RAB18: variants seen among roughly 807,000 people sequenced by gnomAD.
RAB18 encodes the protein ras-related protein Rab-18.
A neutral mutation model predicts 28.5 loss-of-function variants in RAB18; 10 were observed. The observed-to-expected ratio is 0.35, with a 90% CI of 0.22 to 0.60. The LOEUF (loss-of-function observed/expected upper bound fraction) is 0.60. RAB18 is among the 20% of genes least tolerant of loss of function. RAB18 has a pLI of 0.78. For missense variants in RAB18, 188 were observed against 244.2 expected, an observed-to-expected ratio of 0.77 and a Z score of 1.53; for synonymous variants, 93 against 86.9, an observed-to-expected ratio of 1.07 and a Z score of -0.39.
chr10:27,530,698 A>G lies in RAB18; in HGVS notation c.187-1809A>G, dbSNP rs190145054. Among the ~76,000 whole-genome samples, 38 of 152,036 alleles carry G rather than the reference A, an allele frequency of 2.5e-4. No individual in the cohort carries two copies. The East Asian group carries it at 7.1e-3, about 29-fold the overall frequency. On this transcript the variant is annotated intron_variant, in intron 3 of 6. Coordinates refer to ENST00000356940, the MANE Select transcript of RAB18 (RefSeq NM_021252.5). ...GCATTTCTAGTTTCTTATTATATAT[A>G]TTACCAATTGCTTCCTAAAAGTGGT...
At position 27,541,141 on chromosome 10, in the gene RAB18, T is replaced by C; in HGVS notation, c.*3090T>C. 4.4e-6 allele frequency: 2 copies of C among 454,100 alleles called. No individual in the cohort carries two copies. Among genetic ancestry groups the C allele is most frequent in the Non-Finnish European group, 8.8e-6 (2 of 226,784 alleles). 28.1% of individuals were successfully genotyped at this position (454,100 alleles called of 1,614,324 possible). The stretch of plus-strand genomic sequence containing the variant: ...ACTTAGGAAGTTATTTTGTCTTTCC[T>C]GTATTTCCCTAGTTAAGTATAGGGG... On this transcript the variant is annotated 3_prime_UTR_variant, in exon 7 of 7. Transcript: ENST00000356940.
Position 27,504,353 on chromosome 10 carries a change from A to G in RAB18, c.-17A>G, listed in dbSNP as rs369080788. The stretch of plus-strand genomic sequence containing the variant: ...CACCCGGGCGGCCAGCTGGGCTCGG[A>G]GCGGAACGGGGTCAGGATGGACGAG... On this transcript the variant is annotated 5_prime_UTR_variant, in exon 1 of 7. Coordinates refer to ENST00000356940, the MANE Select transcript of RAB18 (RefSeq NM_021252.5). The G allele has an allele frequency of 1.3e-6, 2 of 1,570,090 alleles. No homozygotes were observed. The highest frequency in any genetic ancestry group is 2.7e-5 in the African/African-American group (2 of 74,366).
rs1233633003 is a variant in RAB18, at chr10:27,511,369, A to AT, written c.124+1448dup. Among the ~76,000 whole-genome samples, 7 of 151,110 alleles carry AT rather than the reference A, an allele frequency of 4.6e-5. No homozygotes were observed. The East Asian group carries it at 1.2e-3, about 25-fold the overall frequency. On this transcript the variant is annotated intron_variant, in intron 2 of 6. Coordinates refer to ENST00000356940, the MANE Select transcript of RAB18 (RefSeq NM_021252.5). The stretch of plus-strand genomic sequence containing the variant: ...AGGCACATGCCACTGCGCCTGGCTA[A>AT]TTTTTTTTTGTATTTTTGATAGAGA...
chr10:27,507,925 GC>G (rs1359322908), intron 1 of RAB18, among the ~76,000 whole-genome samples: 1 of 151,462 alleles, frequency 6.6e-6, no homozygotes, highest in Non-Finnish European at 1.5e-5. Context: ...CACCTGTCAT[GC>G]CAGTTACTTG....
intron 3 of RAB18, 112 bp from the exon 4 acceptor site, chr10:27,532,395 G>A: frequency 9.5e-6 from 7 of 737,558 alleles, no homozygotes; most frequent in Non-Finnish European, 1.4e-5. Context: ...TTTTTAATGA[G>A]CTCATGCATT....
At position 27,539,959 on chromosome 10, in the gene RAB18, G is replaced by A. The variant is rs1834988352; in HGVS notation, c.*1908G>A. ...GTTGCAAGCTTAGTGTTTTGTAGTG[G>A]AGGTTTTGTAAATGAAACAGTTGTA... On this transcript the variant is annotated 3_prime_UTR_variant, in exon 7 of 7. Coordinates refer to ENST00000356940, the MANE Select transcript of RAB18 (RefSeq NM_021252.5). 1 of 453,408 alleles carries A rather than the reference G, an allele frequency of 2.2e-6. No homozygotes were observed. The highest frequency in any genetic ancestry group is 6.9e-5 in the East Asian group (1 of 14,392). The allele number at this position is 453,408 out of a possible 1,614,324, so 28.1% of individuals were successfully genotyped here.
At chr10:27,535,872 G>C (rs969960131) in intron 6 of RAB18, among the ~76,000 whole-genome samples, 1 of 152,124 alleles carries the variant, frequency 6.6e-6, no homozygotes, top group Non-Finnish European at 1.5e-5. Flanking sequence ...GGATTACGAG[G>C]TCAGGAGATC....
At chr10:27,536,069 G>A (rs1001917528) in intron 6 of RAB18, among the ~76,000 whole-genome samples, 12 of 117,814 alleles carry the variant, frequency 1.0e-4, no homozygotes, top group South Asian at 2.7e-4. Context: ...GCGACAGAGC[G>A]AGACTCTGTC....
Position 27,542,192 on chromosome 10 carries a change from C to T in RAB18, c.*4141C>T. ...TGGACCTGAATTGAGATCTATTTCT[C>T]AGCTTTCACTTATGTGAGCCAATAA... On this transcript the variant is annotated 3_prime_UTR_variant, in exon 7 of 7. Coordinates refer to ENST00000356940, the MANE Select transcript of RAB18 (RefSeq NM_021252.5). 2 of 454,116 alleles carry T rather than the reference C, an allele frequency of 4.4e-6. No individual in the cohort carries two copies. Among genetic ancestry groups the T allele is most frequent in the South Asian group, 3.1e-5 (2 of 64,482 alleles). 28.1% of individuals were successfully genotyped at this position (454,116 alleles called of 1,614,324 possible). A position where few individuals can be genotyped will look rare whatever the true frequency, so the allele number is the denominator to read the frequency against.
intron 1 of RAB18, among the ~76,000 whole-genome samples, chr10:27,506,879 C>T (rs769038083): frequency 4.0e-5 from 6 of 151,726 alleles, no homozygotes; most frequent in Non-Finnish European, 8.8e-5. Context: ...TTCCTCAATA[C>T]GTAGCAATGG....
intron 3 of RAB18, 163 bp downstream of exon 3, chr10:27,527,052 T>A (rs764334598): frequency 2.5e-6 from 2 of 813,192 alleles, no homozygotes; most frequent in Non-Finnish European, 4.3e-6. Context: ...TGTCTTATAA[T>A]TGGGTAATTA....
chr10:27,521,166 T>G (rs1834543980), intron 2 of RAB18, among the ~76,000 whole-genome samples: 2 of 152,120 alleles, frequency 1.3e-5, no homozygotes, highest in African/African-American at 4.8e-5. Context: ...TTTGCATGAT[T>G]TCGGTTTTTT....
In RAB18 at chr10:27,539,768, T is replaced by A. The variant is rs1427387038; in HGVS notation, c.*1717T>A. The A allele has an allele frequency of 2.2e-6, 1 of 449,826 alleles. No individual in the cohort carries two copies. The highest frequency in any genetic ancestry group is 6.9e-5 in the East Asian group (1 of 14,396). 27.9% of individuals were successfully genotyped at this position (449,826 alleles called of 1,614,324 possible). A position where few individuals can be genotyped will look rare whatever the true frequency, so the allele number is the denominator to read the frequency against. On this transcript the variant is annotated 3_prime_UTR_variant, in exon 7 of 7. Transcript: ENST00000356940. ...TGAATATAACAAAAATGAATTTTGT[T>A]TGATAGATTTATATTGTAACCTTTT...
rs1161984697 is a variant in RAB18 at position 27,538,884 on chromosome 10, T to C, written c.*833T>C. On this transcript the variant is annotated 3_prime_UTR_variant, in exon 7 of 7. Transcript: ENST00000356940. Reference sequence around the variant, plus strand: ...TCTTTTTTCATAAATGTTGGTAGTGTTTGTCCAGGTACCTTAACTGTAGCT... The same window carrying C: ...TCTTTTTTCATAAATGTTGGTAGTGCTTGTCCAGGTACCTTAACTGTAGCT... The C allele has an allele frequency of 2.2e-6, 1 of 454,050 alleles. No homozygotes were observed. Among genetic ancestry groups the C allele is most frequent in the African/African-American group, 2.0e-5 (1 of 50,134 alleles). The allele number at this position is 454,050 out of a possible 1,614,324, so 28.1% of individuals were successfully genotyped here. A position where few individuals can be genotyped will look rare whatever the true frequency, so the allele number is the denominator to read the frequency against.
chr10:27,531,326 A>G (rs971775120), intron 3 of RAB18, among the ~76,000 whole-genome samples: 1 of 151,988 alleles, frequency 6.6e-6, no homozygotes, highest in Admixed American at 6.6e-5. Context: ...AAATGACTGC[A>G]GATCCTCCCT....
intron 2 of RAB18, among the ~76,000 whole-genome samples, chr10:27,526,550 G>A (rs1465971039): frequency 1.3e-5 from 2 of 152,212 alleles, no homozygotes; most frequent in African/African-American, 4.8e-5. Flanking sequence ...CGCATAGTGA[G>A]TTATCACCTT....
chr10:27,505,022 G>T (rs1453592680), intron 1 of RAB18: 1 of 533,548 alleles, frequency 1.9e-6, no homozygotes. Context: ...GGAAAATTTC[G>T]CTTTAGTGTA....
chr10:27,525,404 A>AT (rs1834651654), intron 2 of RAB18, among the ~76,000 whole-genome samples: 1 of 149,008 alleles, frequency 6.7e-6, no homozygotes, highest in African/African-American at 2.5e-5. Context: ...CCTCCTCTGA[A>AT]TTTTCTCAGG....
rs1564841677 is a variant in RAB18 at position 27,541,161 on chromosome 10, TA to T, written c.*3111del. 3 of 454,056 alleles carry T rather than the reference TA, an allele frequency of 6.6e-6. No homozygotes were observed. Among genetic ancestry groups the T allele is most frequent in the South Asian group, 3.1e-5 (2 of 64,466 alleles). The allele number at this position is 454,056 out of a possible 1,614,324, so 28.1% of individuals were successfully genotyped here. On this transcript the variant is annotated 3_prime_UTR_variant, in exon 7 of 7. Coordinates refer to ENST00000356940, the MANE Select transcript of RAB18 (RefSeq NM_021252.5). ...TTTCCTGTATTTCCCTAGTTAAGTA[TA>T]GGGGTAAAAACGTTATTCAGCTTTC...
Sources: gnomAD v4.1 joint callset for allele counts (sites outside exome capture counted in the v4.1 genomes callset) on GRCh38, gnomAD v4.1.1 for gene constraint, MANE v1.5 for transcripts, NCBI Gene and HGNC (gene_info 2026-07-23, HGNC 2026-07-21) for gene names.